Variants in CHSY3 observed in about 807,000 individuals in gnomAD.
CHSY3 encodes the protein chondroitin sulfate synthase 3.
CHSY3 carries 35 observed loss-of-function variants against 67.2 expected under a neutral mutation model. That is an observed-to-expected ratio of 0.52 (90% CI 0.40 to 0.69). CHSY3 has a LOEUF of 0.69. CHSY3 is among the 30% of genes least tolerant of loss of function. The probability of loss-of-function intolerance (pLI) is 0.00; values close to 1 mark genes in which losing one functional copy is unlikely to be tolerated. For missense variants in CHSY3, 1,069 were observed against 1,138.5 expected, an observed-to-expected ratio of 0.94 and a Z score of 0.88; for synonymous variants, 474 against 434.7, an observed-to-expected ratio of 1.09 and a Z score of -1.12.
Position 130,075,930 on chromosome 5 carries a change from G to A in CHSY3, c.1087-108299G>A, listed in dbSNP as rs574932086. Among the ~76,000 whole-genome samples, 13 of 152,056 alleles carry A rather than the reference G, an allele frequency of 8.5e-5. 1 individual carries two copies. The East Asian group carries it at 2.5e-3, about 29-fold the overall frequency. ...TCTTGACCTAATTTTCCTTTTTAAGGGAATTACCAACTTCTTAGCTATCAA... is the reference window on the plus strand; with the variant it reads ...TCTTGACCTAATTTTCCTTTTTAAGAGAATTACCAACTTCTTAGCTATCAA... On this transcript the variant is annotated intron_variant, in intron 2 of 2. Transcript: ENST00000305031.
intron 2 of CHSY3, among the ~76,000 whole-genome samples, chr5:130,165,308 C>T (rs771231803): frequency 2.0e-5 from 3 of 151,732 alleles, no homozygotes; most frequent in Non-Finnish European, 4.4e-5. Flanking sequence ...TTCAAGAGAT[C>T]GGTAAAATAG....
intron 2 of CHSY3, among the ~76,000 whole-genome samples, chr5:130,022,035 A>G (rs1764408311): frequency 6.6e-6 from 1 of 152,070 alleles, no homozygotes; most frequent in African/African-American, 2.4e-5. Context: ...TTTGCTGGGA[A>G]GGTAGATTAA....
chr5:130,169,082 T>C (rs1011590061), intron 2 of CHSY3, among the ~76,000 whole-genome samples: 1 of 152,180 alleles, frequency 6.6e-6, no homozygotes, highest in Non-Finnish European at 1.5e-5. Flanking sequence ...AATGATCATA[T>C]TGTCATAGAG....
intron 2 of CHSY3, among the ~76,000 whole-genome samples, chr5:130,155,516 A>G (rs1045776115): frequency 1.1e-4 from 17 of 152,280 alleles, no homozygotes; most frequent in African/African-American, 3.6e-4. Context: ...TCCTCTACTG[A>G]GTTTCTATCA....
chr5:130,130,017 T>G (rs2149713316), intron 2 of CHSY3, among the ~76,000 whole-genome samples: 1 of 152,290 alleles, frequency 6.6e-6, no homozygotes, highest in African/African-American at 2.4e-5. Flanking sequence ...TCACAAATTT[T>G]TATGCCAAGA....
At position 130,066,264 on chromosome 5, in the gene CHSY3, G is replaced by A. The variant is rs148067149; in HGVS notation, c.1087-117965G>A. On this transcript the variant is annotated intron_variant, in intron 2 of 2. Coordinates refer to ENST00000305031, the MANE Select transcript of CHSY3 (RefSeq NM_175856.5). ...ATTGATTTTGCACACAACTATGCTG[G>A]GTATTATTTCAGAACACTCTGGGGA... Among the ~76,000 whole-genome samples, 477 of 151,918 alleles carry A rather than the reference G, an allele frequency of 3.1e-3. 3 individuals carry two copies. The highest frequency in any genetic ancestry group is 0.01 in the African/African-American group (421 of 41,420).
At chr5:130,164,898 A>G (rs993778350) in intron 2 of CHSY3, among the ~76,000 whole-genome samples, 1 of 152,174 alleles carries the variant, frequency 6.6e-6, no homozygotes, top group African/African-American at 2.4e-5. Context: ...GAGGTAGCTG[A>G]GTAAGAGTTA....
rs762148359 is a variant in CHSY3 at position 129,908,089 on chromosome 5, A to G, written c.815A>G (p.Glu272Gly). The change falls in exon 2 of 3, where the codon GAA becomes GGA. Residue 272 changes from glutamate to glycine, a missense_variant. Glu to Gly is a moderately conservative substitution (Grantham distance 98). Transcript: ENST00000305031. The part of the protein sequence containing the change: ...DDVYIKGDKL[E>G]EFLRSLNSSK... ...TTTCTTTTTGTAGGTGATAAATTAG[A>G]AGAGTTTCTTAGATCGCTAAACAGC... 1.2e-6 allele frequency: 2 copies of G among 1,611,166 alleles called. No individual in the cohort carries two copies. The highest frequency in any genetic ancestry group is 1.1e-5 in the South Asian group (1 of 90,552).
intron 2 of CHSY3, among the ~76,000 whole-genome samples, chr5:130,108,667 G>A (rs542497928): frequency 2.4e-4 from 36 of 151,712 alleles, no homozygotes; most frequent in Admixed American, 2.2e-3. Flanking sequence ...GAATTTATTG[G>A]TTTTGATTTT....
intron 2 of CHSY3, among the ~76,000 whole-genome samples, chr5:129,991,893 G>A (rs544968996): frequency 3.3e-5 from 5 of 152,218 alleles, no homozygotes; most frequent in African/African-American, 1.2e-4. Context: ...ACATGAAGTT[G>A]CTTCTGAGAA....
At chr5:129,943,031 T>G (rs2149595901) in intron 2 of CHSY3, among the ~76,000 whole-genome samples, 1 of 152,274 alleles carries the variant, frequency 6.6e-6, no homozygotes, top group African/African-American at 2.4e-5. Context: ...AATGAAATAA[T>G]ATATATTGGC....
chr5:130,139,972 G>A (rs1446458733), intron 2 of CHSY3: 1 of 152,592 alleles, frequency 6.6e-6, no homozygotes, highest in East Asian at 1.9e-4. Context: ...GGAATATTGT[G>A]ATAGCTTTTG....
intron 2 of CHSY3, among the ~76,000 whole-genome samples, chr5:130,107,448 T>G (rs943362619): frequency 3.3e-5 from 5 of 151,494 alleles, no homozygotes; most frequent in African/African-American, 1.2e-4. Flanking sequence ...GGCTAGTGTG[T>G]GTGTGTGTGT....
In CHSY3 at chr5:130,160,619, C is replaced by G. The variant is rs150284719; in HGVS notation, c.1087-23610C>G. 4.1e-3 allele frequency among the ~76,000 whole-genome samples: 623 copies of G among 152,322 alleles called. 8 individuals are homozygous for G. Among genetic ancestry groups the G allele is most frequent in the South Asian group, 0.035 (171 of 4,832 alleles). ...AAGAATTTTGATTCTTTTATTCTCA[C>G]AGAGGGGAAGAGTCTTTCTCCCCAA... On this transcript the variant is annotated intron_variant, in intron 2 of 2. Transcript: ENST00000305031.
chr5:130,038,409 T>C (rs945163308), intron 2 of CHSY3, among the ~76,000 whole-genome samples: 1 of 152,142 alleles, frequency 6.6e-6, no homozygotes, highest in African/African-American at 2.4e-5. Context: ...TGTTATTTAT[T>C]GTTGGTTGTA....
At chr5:129,939,584 C>A (rs1431757927) in intron 2 of CHSY3, among the ~76,000 whole-genome samples, 1 of 152,052 alleles carries the variant, frequency 6.6e-6, no homozygotes, top group Non-Finnish European at 1.5e-5. Flanking sequence ...TTGGATTTTT[C>A]TCTCCAAATA....
intron 2 of CHSY3, among the ~76,000 whole-genome samples, chr5:130,178,245 ATATATATAT>A (rs1442733425): frequency 4.3e-5 from 3 of 70,552 alleles, no homozygotes; most frequent in African/African-American, 1.9e-4. Flanking sequence ...ATATATATAT[ATATATATAT>A]TTTTTTTTTT....
rs116052184 is a variant in CHSY3 at position 130,060,475 on chromosome 5, G to A, written c.1087-123754G>A. Among the ~76,000 whole-genome samples the A allele has an allele frequency of 6.6e-3, 1,009 of 152,164 alleles. 7 individuals carry two copies. Among genetic ancestry groups the A allele is most frequent in the Non-Finnish European group, 9.8e-3 (665 of 67,994 alleles). On this transcript the variant is annotated intron_variant, in intron 2 of 2. Coordinates refer to ENST00000305031, the MANE Select transcript of CHSY3 (RefSeq NM_175856.5). ...TTATCATACTGCATGGGGAAAAGTC[G>A]AAAGCCTTTTTTTCCAAGAACTGGA...
In CHSY3 at chr5:129,976,026, G is replaced by GA. The variant is rs577153259; in HGVS notation, c.1086+67671dup. Reference sequence around the variant, plus strand: ...GACCACATTCTGTGTTCTTCTGTGTGAAAAATAAATAAAAATAAATAAATA... The same window carrying GA: ...GACCACATTCTGTGTTCTTCTGTGTGAAAAAATAAATAAAAATAAATAAATA... On this transcript the variant is annotated intron_variant, in intron 2 of 2. Transcript: ENST00000305031. Among the ~76,000 whole-genome samples the GA allele has an allele frequency of 2.4e-4, 37 of 151,958 alleles. No homozygotes were observed. In the South Asian group the frequency reaches 4.4e-3, roughly 18 times the overall value.
Sources: allele counts gnomAD v4.1 joint callset (sites outside exome capture counted in the v4.1 genomes callset), GRCh38; gene constraint gnomAD v4.1.1; transcripts MANE v1.5; gene names NCBI Gene and HGNC (gene_info 2026-07-23, HGNC 2026-07-21).